RAP1GDS1: variants seen among roughly 807,000 people sequenced by gnomAD.
RAP1GDS1 encodes the protein Rap1 GTPase-GDP dissociation stimulator 1.
A neutral mutation model predicts 71.1 loss-of-function variants in RAP1GDS1; 35 were observed. The ratio of observed to expected loss-of-function variants is 0.49; its 90% CI spans 0.38 to 0.65. The LOEUF (loss-of-function observed/expected upper bound fraction) is 0.65. Among genes scored for constraint, RAP1GDS1 ranks in the 30% least tolerant of loss-of-function variants. The probability of loss-of-function intolerance (pLI) is 0.00; values close to 1 mark genes in which losing one functional copy is unlikely to be tolerated. For synonymous variants in RAP1GDS1, 229 were observed against 243.1 expected, an observed-to-expected ratio of 0.94 and a Z score of 0.54; for missense variants, 663 against 706.1, an observed-to-expected ratio of 0.94 and a Z score of 0.69.
chr4:98,389,012 A>C (rs1743200816), intron 5 of RAP1GDS1, among the ~76,000 whole-genome samples: 1 of 140,432 alleles, frequency 7.1e-6, no homozygotes, highest in African/African-American at 3.1e-5. Context: ...AGTTTGTTTT[A>C]CTATTTGTGA....
At chr4:98,438,343 T>C (rs1326639228) in intron 14 of RAP1GDS1, among the ~76,000 whole-genome samples, 1 of 151,784 alleles carries the variant, frequency 6.6e-6, no homozygotes, top group Admixed American at 6.6e-5. Context: ...TCTTTTAGTT[T>C]CAATCTGCTG....
intron 7 of RAP1GDS1, among the ~76,000 whole-genome samples, chr4:98,408,753 G>A (rs956106848): frequency 2.6e-5 from 4 of 152,244 alleles, no homozygotes; most frequent in Non-Finnish European, 1.5e-5. Flanking sequence ...AATGCAACTA[G>A]TATAATTCAT....
chr4:98,270,457 T>G (rs1404780392), intron 1 of RAP1GDS1, among the ~76,000 whole-genome samples: 5 of 152,186 alleles, frequency 3.3e-5, no homozygotes, highest in Non-Finnish European at 7.4e-5. Flanking sequence ...TTGAACCAAC[T>G]TTAGCTTTGT....
intron 2 of RAP1GDS1, among the ~76,000 whole-genome samples, chr4:98,335,833 T>C (rs971569481): frequency 6.6e-6 from 1 of 151,788 alleles, no homozygotes; most frequent in African/African-American, 2.4e-5. Context: ...TGTTGTTTTA[T>C]TTTCCTGGGA....
At chr4:98,397,847 A>G (rs1478366438) in intron 6 of RAP1GDS1, among the ~76,000 whole-genome samples, 1 of 152,178 alleles carries the variant, frequency 6.6e-6, no homozygotes, top group African/African-American at 2.4e-5. Flanking sequence ...CACAGTACCA[A>G]TCCATAAACA....
At position 98,343,267 on chromosome 4, in the gene RAP1GDS1, G is replaced by T. The variant is rs573941961; in HGVS notation, c.235+6G>T. 8.8e-5 allele frequency: 141 copies of T among 1,597,312 alleles called. 2 individuals are homozygous for T. The South Asian group carries it at 1.5e-3, about 17-fold the overall frequency. On this transcript the variant is annotated splice_donor_region_variant and intron_variant, in intron 3 of 14. Transcript: ENST00000408927. ...AGCAGAAGTAGCCAAAAATGGTGAG[G>T]TTTACCTCAAGAACTTTTCTGCTGG... is the stretch of plus-strand genomic sequence containing the variant.
At chr4:98,311,268 A>G (rs1301766910) in intron 2 of RAP1GDS1, among the ~76,000 whole-genome samples, 1 of 152,242 alleles carries the variant, frequency 6.6e-6, no homozygotes, top group East Asian at 1.9e-4. Context: ...CATACTGTCT[A>G]GAGGAATATA....
intron 5 of RAP1GDS1, among the ~76,000 whole-genome samples, chr4:98,389,513 G>C (rs1197049535): frequency 1.3e-5 from 2 of 152,104 alleles, no homozygotes; most frequent in Non-Finnish European, 2.9e-5. Context: ...TCTTTTGTGT[G>C]GTATGTGTGT....
At chr4:98,299,911 G>A (rs75397110) in intron 2 of RAP1GDS1, among the ~76,000 whole-genome samples, 62 of 152,132 alleles carry the variant, frequency 4.1e-4, no homozygotes, top group Non-Finnish European at 6.3e-4. Context: ...GAGCCACTGC[G>A]CCTGGCCTCG....
intron 5 of RAP1GDS1, among the ~76,000 whole-genome samples, chr4:98,382,778 T>A (rs1437817448): frequency 6.6e-6 from 1 of 151,686 alleles, no homozygotes; most frequent in Non-Finnish European, 1.5e-5. Flanking sequence ...GCAAATTCAA[T>A]ACTTGGAAGA....
chr4:98,340,924 A>G (rs1362155065), intron 2 of RAP1GDS1, among the ~76,000 whole-genome samples: 3 of 152,084 alleles, frequency 2.0e-5, no homozygotes, highest in African/African-American at 2.4e-5. Context: ...ATCGGGTACT[A>G]TGCTTATTAC....
chr4:98,391,113 CT>C (rs1027861329), intron 5 of RAP1GDS1, among the ~76,000 whole-genome samples: 5 of 152,008 alleles, frequency 3.3e-5, no homozygotes, highest in African/African-American at 1.2e-4. Flanking sequence ...AGAGGCAGTA[CT>C]TTTGGTGTTC....
At chr4:98,396,094 G>A (rs1399341380) in intron 6 of RAP1GDS1, 4 of 151,962 alleles carry the variant, frequency 2.6e-5, no homozygotes, top group Non-Finnish European at 5.9e-5. Flanking sequence ...CTCTTAACCA[G>A]ATCTCATATG....
At chr4:98,343,038 T>C (rs1406494156) in intron 2 of RAP1GDS1, 101 bp from the exon 3 acceptor site, 2 of 1,275,056 alleles carry the variant, frequency 1.6e-6, no homozygotes. Context: ...CTAATTTCTA[T>C]TATGGGTGGG....
chr4:98,365,435 C>T (rs1009381224), intron 4 of RAP1GDS1, among the ~76,000 whole-genome samples: 16 of 149,596 alleles, frequency 1.1e-4, no homozygotes, highest in African/African-American at 2.7e-4. Flanking sequence ...GGCAACATGG[C>T]GGAACCCCCT....
intron 2 of RAP1GDS1, among the ~76,000 whole-genome samples, chr4:98,293,779 A>T (rs1176122041): frequency 6.6e-6 from 1 of 152,038 alleles, no homozygotes; most frequent in Non-Finnish European, 1.5e-5. Context: ...TCCCAGAGAG[A>T]GGCCATTGTT....
chr4:98,381,029 C>A (rs960497004), intron 5 of RAP1GDS1, among the ~76,000 whole-genome samples: 7 of 151,538 alleles, frequency 4.6e-5, no homozygotes, highest in African/African-American at 1.5e-4. Context: ...GAGAAGTGTT[C>A]TGAGAAAGAA....
Position 98,443,025 on chromosome 4 carries a change from T to C in RAP1GDS1, c.*908T>C, listed in dbSNP as rs28377105. 419 of 172,568 alleles carry C rather than the reference T, an allele frequency of 2.4e-3. 2 individuals are homozygous for C. Among genetic ancestry groups the C allele is most frequent in the Non-Finnish European group, 3.2e-3 (301 of 95,450 alleles). 10.7% of individuals were successfully genotyped at this position (172,568 alleles called of 1,614,324 possible). Reference sequence around the variant, plus strand: ...TCATTGAAGAATGGAATTTTTTTTTTTTTTTTTTTTTTTGCTGTTTTTCAT... The same window carrying C: ...TCATTGAAGAATGGAATTTTTTTTTCTTTTTTTTTTTTTGCTGTTTTTCAT... On this transcript the variant is annotated 3_prime_UTR_variant, in exon 15 of 15. Transcript: ENST00000408927.
chr4:98,424,166 A>G (rs1374455954), intron 12 of RAP1GDS1, among the ~76,000 whole-genome samples: 4 of 152,174 alleles, frequency 2.6e-5, no homozygotes, highest in Non-Finnish European at 4.4e-5. Context: ...TTATCATGCC[A>G]TTCAACAAAA....
Sources: allele counts gnomAD v4.1 joint callset (sites outside exome capture counted in the v4.1 genomes callset), GRCh38; gene constraint gnomAD v4.1.1; transcripts MANE v1.5; gene names NCBI Gene and HGNC (gene_info 2026-07-23, HGNC 2026-07-21).